Variants in RALGPS1 observed in about 807,000 individuals in gnomAD.
The protein encoded by RALGPS1 is ras-specific guanine nucleotide-releasing factor RalGPS1.
RALGPS1 carries 19 observed loss-of-function variants against 78.8 expected under a neutral mutation model. That is an observed-to-expected ratio of 0.24 (90% CI 0.17 to 0.35). The LOEUF (loss-of-function observed/expected upper bound fraction) is 0.35. Ranked by LOEUF, RALGPS1 falls within the 10% of genes least tolerant of loss-of-function variation. The probability of loss-of-function intolerance (pLI) is 1.00; values close to 1 mark genes in which losing one functional copy is unlikely to be tolerated. For synonymous variants in RALGPS1, 228 were observed against 256.3 expected, an observed-to-expected ratio of 0.89 and a Z score of 1.06; for missense variants, 454 against 688.3, an observed-to-expected ratio of 0.66 and a Z score of 3.81.
chr9:126,951,040 C>G (rs1451588800), intron 1 of RALGPS1, among the ~76,000 whole-genome samples: 1 of 152,190 alleles, frequency 6.6e-6, no homozygotes, highest in Non-Finnish European at 1.5e-5. Context: ...CAACAAACAC[C>G]TCTATGCAAA....
At chr9:126,920,582 G>T (rs1300800770) in intron 1 of RALGPS1, among the ~76,000 whole-genome samples, 1 of 152,190 alleles carries the variant, frequency 6.6e-6, no homozygotes. Flanking sequence ...GTGGCTCATA[G>T]ATTTTAACTC....
Position 127,184,682 on chromosome 9 carries a change from G to A in RALGPS1, c.910+9900G>A, listed in dbSNP as rs565660327. ...GAGGCTCAGAGTGGTACCTGCAAGAGCACCCGGTTGCACAGTTGTCAAGCC... is the reference window on the plus strand; with the variant it reads ...GAGGCTCAGAGTGGTACCTGCAAGAACACCCGGTTGCACAGTTGTCAAGCC... On this transcript the variant is annotated intron_variant, in intron 11 of 18. Transcript: ENST00000259351. 6.6e-5 allele frequency among the ~76,000 whole-genome samples: 10 copies of A among 152,338 alleles called. No individual in the cohort carries two copies. The South Asian group carries it at 2.1e-3, about 32-fold the overall frequency.
intron 1 of RALGPS1, among the ~76,000 whole-genome samples, chr9:126,940,071 C>T (rs1267304404): frequency 1.3e-5 from 2 of 152,174 alleles, no homozygotes; most frequent in Non-Finnish European, 2.9e-5. Flanking sequence ...AGCCAGTGTT[C>T]TGGGATCTTA....
chr9:127,092,838 G>T (rs2052643934), intron 8 of RALGPS1, among the ~76,000 whole-genome samples: 1 of 152,072 alleles, frequency 6.6e-6, no homozygotes, highest in African/African-American at 2.4e-5. Flanking sequence ...CAGGAGGTGG[G>T]GTGGGGGACA....
chr9:127,080,746 A>G (rs1342874835), intron 8 of RALGPS1, among the ~76,000 whole-genome samples: 4 of 152,198 alleles, frequency 2.6e-5, no homozygotes, highest in Non-Finnish European at 4.4e-5. Context: ...CCTTTTACAT[A>G]TACAAGTTGA....
intron 1 of RALGPS1, among the ~76,000 whole-genome samples, chr9:126,916,426 C>G (rs2034165366): frequency 2.6e-5 from 4 of 152,162 alleles, no homozygotes; most frequent in African/African-American, 9.7e-5. Flanking sequence ...GAACATAAAG[C>G]TCAGGCCTGA....
At chr9:127,019,802 CAT>C (rs572731792) in intron 4 of RALGPS1, among the ~76,000 whole-genome samples, 122 of 152,170 alleles carry the variant, frequency 8.0e-4, no homozygotes, top group African/African-American at 2.8e-3. Context: ...TACAGGTAAA[CAT>C]GTGTCATGGG....
At chr9:127,167,621 A>G (rs1454747552) in intron 9 of RALGPS1, among the ~76,000 whole-genome samples, 2 of 152,194 alleles carry the variant, frequency 1.3e-5, no homozygotes, top group African/African-American at 2.4e-5. Flanking sequence ...CGTCATCTCC[A>G]TCAGTTTTGT....
chr9:126,977,662 G>A (rs2040803325), intron 3 of RALGPS1, 33 bp from the exon 4 acceptor site: 4 of 1,462,776 alleles, frequency 2.7e-6, no homozygotes, highest in Non-Finnish European at 3.8e-6. Context: ...TTGATGTACA[G>A]TATTTTCTAA....
At chr9:127,070,404 GATT>G (rs2050094679) in intron 8 of RALGPS1, among the ~76,000 whole-genome samples, 1 of 152,132 alleles carries the variant, frequency 6.6e-6, no homozygotes, top group South Asian at 2.1e-4. Flanking sequence ...ATGTAGTTAT[GATT>G]ATTACCTTGT....
chr9:127,014,934 CCA>C (rs1427105995), intron 4 of RALGPS1, among the ~76,000 whole-genome samples: 47 of 152,294 alleles, frequency 3.1e-4, no homozygotes, highest in African/African-American at 1.1e-3. Context: ...TCTCTGTGAG[CCA>C]CAGTCTTCTC....
intron 1 of RALGPS1, among the ~76,000 whole-genome samples, chr9:126,950,630 A>C (rs1296988607): frequency 5.3e-5 from 8 of 152,154 alleles, no homozygotes; most frequent in African/African-American, 1.9e-4. Flanking sequence ...GAACAAAGAC[A>C]CAACATACCA....
intron 11 of RALGPS1, among the ~76,000 whole-genome samples, chr9:127,192,281 G>A (rs1353606125): frequency 6.6e-6 from 1 of 152,260 alleles, no homozygotes; most frequent in Non-Finnish European, 1.5e-5. Context: ...AAAGGGAGGA[G>A]AGAAGAGGCA....
At chr9:127,032,030 A>G (rs1276064997) in intron 4 of RALGPS1, among the ~76,000 whole-genome samples, 1 of 152,222 alleles carries the variant, frequency 6.6e-6, no homozygotes, top group Non-Finnish European at 1.5e-5. Flanking sequence ...TTGGCGTTCA[A>G]GCTGAGTCTG....
chr9:127,145,725 C>T (rs748123567), intron 8 of RALGPS1, among the ~76,000 whole-genome samples: 2 of 152,232 alleles, frequency 1.3e-5, no homozygotes, highest in Non-Finnish European at 2.9e-5. Context: ...CTTTTGAACT[C>T]TGATACTATT....
rs1208420138 is a variant in RALGPS1 at position 127,212,824 on chromosome 9, G to A, written c.1446+105G>A. ...TGGGAAAGGGATCTGTGTGAACTGCGGAGGATGCAGGTGGGAAGGCGGCAG... is the reference window on the plus strand; with the variant it reads ...TGGGAAAGGGATCTGTGTGAACTGCAGAGGATGCAGGTGGGAAGGCGGCAG... On this transcript the variant is annotated intron_variant, in intron 16 of 18. Coordinates refer to ENST00000259351, the MANE Select transcript of RALGPS1 (RefSeq NM_014636.3). This position sits in a 1 kb window ranked among gnomAD's most constrained non-coding sequence, Gnocchi z 6.0. 2.3e-5 allele frequency: 36 copies of A among 1,544,960 alleles called. No individual in the cohort carries two copies. The highest frequency in any genetic ancestry group is 5.8e-5 in the South Asian group (5 of 86,858).
At chr9:127,153,477 A>T (rs1423065188) in intron 8 of RALGPS1, among the ~76,000 whole-genome samples, 1 of 143,306 alleles carries the variant, frequency 7.0e-6, no homozygotes, top group Admixed American at 7.5e-5. Context: ...TGCATGCCTC[A>T]TGGGTTCAGG....
rs2052529233 is a variant in RALGPS1 at position 127,091,926 on chromosome 9, G to A, written c.610+22570G>A. ...GGCCCAGCCAGTATTCGCCGTCAATGTTCCCAAACCCTTGCTGGGGAAAAC... is the reference window on the plus strand; with the variant it reads ...GGCCCAGCCAGTATTCGCCGTCAATATTCCCAAACCCTTGCTGGGGAAAAC... On this transcript the variant is annotated intron_variant, in intron 8 of 18. Transcript: ENST00000259351. This position sits in a 1 kb window ranked among gnomAD's most constrained non-coding sequence, Gnocchi z 4.3. 1 of 1,614,068 alleles carries A rather than the reference G, an allele frequency of 6.2e-7. No individual in the cohort carries two copies. The highest frequency in any genetic ancestry group is 8.5e-7 in the Non-Finnish European group (1 of 1,179,998).
intron 1 of RALGPS1, among the ~76,000 whole-genome samples, chr9:126,959,526 C>T (rs2038679220): frequency 6.6e-6 from 1 of 151,870 alleles, no homozygotes; most frequent in African/African-American, 2.4e-5. Context: ...TCTCCTTGCT[C>T]ATGAAAGAGG....
Sources: allele counts gnomAD v4.1 joint callset (sites outside exome capture counted in the v4.1 genomes callset), GRCh38; gene constraint gnomAD v4.1.1; non-coding constraint Gnocchi (gnomAD v3.1); transcripts MANE v1.5; gene names NCBI Gene and HGNC (gene_info 2026-07-23, HGNC 2026-07-21).